ZNF385B: variants seen among roughly 807,000 people sequenced by gnomAD.
ZNF385B encodes zinc finger protein 533.
A neutral mutation model predicts 39.2 loss-of-function variants in ZNF385B; 23 were observed. The ratio of observed to expected loss-of-function variants is 0.59; its 90% confidence interval spans 0.42 to 0.83. The LOEUF is 0.83. ZNF385B is among the 40% of genes least tolerant of loss of function. The probability of loss-of-function intolerance (pLI) is 0.00; values close to 1 mark genes in which losing one functional copy is unlikely to be tolerated. For missense variants in ZNF385B, 552 were observed against 598.9 expected, an observed-to-expected ratio of 0.92 and a Z score of 0.82; for synonymous variants, 205 against 222.6, an observed-to-expected ratio of 0.92 and a Z score of 0.70.
At chr2:179,715,228 T>C (rs890454871) in intron 3 of ZNF385B, among the ~76,000 whole-genome samples, 5 of 152,126 alleles carry the variant, frequency 3.3e-5, no homozygotes, top group African/African-American at 1.2e-4. Flanking sequence ...TTAGTACTAC[T>C]TGAACCCTCC....
intron 3 of ZNF385B, among the ~76,000 whole-genome samples, chr2:179,662,129 T>G (rs1694555120): frequency 6.6e-6 from 1 of 152,284 alleles, no homozygotes; most frequent in African/African-American, 2.4e-5. Context: ...TCAGATTGTC[T>G]TGCAAAGTAG....
chr2:179,641,121 T>G (rs557882226), intron 3 of ZNF385B, among the ~76,000 whole-genome samples: 1 of 152,196 alleles, frequency 6.6e-6, no homozygotes, highest in Non-Finnish European at 1.5e-5. Flanking sequence ...TTTTATTTTC[T>G]GACTTAGAAC....
At chr2:179,577,213 T>G (rs988526048) in intron 3 of ZNF385B, among the ~76,000 whole-genome samples, 2 of 152,106 alleles carry the variant, frequency 1.3e-5, no homozygotes, top group African/African-American at 4.8e-5. Flanking sequence ...CAGGCCCAGG[T>G]GGACTAAAGG....
chr2:179,848,065 A>G (rs113638103), intron 1 of ZNF385B, among the ~76,000 whole-genome samples: 56 of 152,272 alleles, frequency 3.7e-4, no homozygotes, highest in African/African-American at 1.3e-3. Flanking sequence ...GGTGCTGCAC[A>G]TGAAAGGAGC....
chr2:179,851,863 T>A (rs2105442905), intron 1 of ZNF385B, among the ~76,000 whole-genome samples: 1 of 152,342 alleles, frequency 6.6e-6, no homozygotes, highest in South Asian at 2.1e-4. Context: ...TCTTAATAAT[T>A]CAGAAATGTG....
intron 3 of ZNF385B, among the ~76,000 whole-genome samples, chr2:179,641,349 G>T (rs1692252917): frequency 6.6e-6 from 1 of 152,040 alleles, no homozygotes; most frequent in South Asian, 2.1e-4. Flanking sequence ...TCCCCATGCA[G>T]TTATATTTTT....
Position 179,445,561 on chromosome 2 carries a change from G to C in ZNF385B, c.1129C>G (p.Gln377Glu). Residue 377 changes from glutamine to glutamate, a missense_variant, in exon 8 of 10, where the codon CAA (glutamine) becomes GAA (glutamate). Coordinates refer to ENST00000410066, the MANE Select transcript of ZNF385B (RefSeq NM_152520.6). The stretch of plus-strand genomic sequence containing the variant: ...TCAGGATACGTTACCTGTTTGAGTT[G>C]AATTTCTGAATTAACATGAACATCA... Reference protein sequence around the residue: ...ICDVHVNSEIQLKQHISSRRH... With the variant: ...ICDVHVNSEIELKQHISSRRH... The C allele has an allele frequency of 6.2e-7, 1 of 1,610,976 alleles. No individual in the cohort carries two copies. The highest frequency in any genetic ancestry group is 8.5e-7 in the Non-Finnish European group (1 of 1,178,890).
intron 1 of ZNF385B, among the ~76,000 whole-genome samples, chr2:179,785,775 G>A (rs1417628923): frequency 6.6e-6 from 1 of 152,098 alleles, no homozygotes; most frequent in Non-Finnish European, 1.5e-5. Context: ...TTCTTGAGAT[G>A]GAATCTTGGT....
intron 3 of ZNF385B, among the ~76,000 whole-genome samples, chr2:179,700,371 A>C (rs1039854503): frequency 6.6e-6 from 1 of 152,146 alleles, no homozygotes; most frequent in Non-Finnish European, 1.5e-5. Context: ...CCAATGCCTG[A>C]GTATATACCA....
intron 1 of ZNF385B, among the ~76,000 whole-genome samples, chr2:179,775,213 G>A (rs1329696991): frequency 6.6e-6 from 1 of 152,160 alleles, no homozygotes; most frequent in Non-Finnish European, 1.5e-5. Flanking sequence ...ATAGGATTCA[G>A]ATATGGAAGG....
At chr2:179,842,508 A>T (rs560606435) in intron 1 of ZNF385B, among the ~76,000 whole-genome samples, 36 of 152,298 alleles carry the variant, frequency 2.4e-4, no homozygotes, top group African/African-American at 8.2e-4. Context: ...AGAGATGCTC[A>T]AGAACTCAGG....
intron 5 of ZNF385B, among the ~76,000 whole-genome samples, chr2:179,505,504 A>G (rs9288036): frequency 0.75 from 113,168 of 151,882 alleles, 42,783 homozygotes; most frequent in East Asian, 0.91. Flanking sequence ...TCACATAAAA[A>G]GATTTCATAG....
chr2:179,689,875 T>C (rs1234070833), intron 3 of ZNF385B, among the ~76,000 whole-genome samples: 1 of 151,842 alleles, frequency 6.6e-6, no homozygotes, highest in Non-Finnish European at 1.5e-5. Flanking sequence ...CTGATGTCAA[T>C]GAATTAGCTG....
chr2:179,676,119 C>T (rs772481720), intron 3 of ZNF385B, among the ~76,000 whole-genome samples: 4 of 146,198 alleles, frequency 2.7e-5, no homozygotes, highest in South Asian at 2.2e-4. Context: ...GACGGAGTTT[C>T]GCTTTGCCGC....
intron 1 of ZNF385B, among the ~76,000 whole-genome samples, chr2:179,786,086 C>A (rs866218540): frequency 2.0e-5 from 3 of 152,236 alleles, no homozygotes; most frequent in Middle Eastern, 3.4e-3. Flanking sequence ...AAACCCTCCA[C>A]CAGCAAAAAC....
chr2:179,570,388 AG>A (rs1159312160), intron 3 of ZNF385B, among the ~76,000 whole-genome samples: 1 of 152,234 alleles, frequency 6.6e-6, no homozygotes, highest in Non-Finnish European at 1.5e-5. Flanking sequence ...GAAGGAACTT[AG>A]GGCCTTTTAT....
chr2:179,505,315 AAG>A (rs1452378524), intron 5 of ZNF385B, among the ~76,000 whole-genome samples: 2 of 151,860 alleles, frequency 1.3e-5, no homozygotes, highest in East Asian at 1.9e-4. Flanking sequence ...ATAAAAAAAA[AAG>A]GAGATTGTTA....
chr2:179,835,552 G>C (rs531503649), intron 1 of ZNF385B, among the ~76,000 whole-genome samples: 7 of 152,106 alleles, frequency 4.6e-5, no homozygotes, highest in Non-Finnish European at 7.4e-5. Flanking sequence ...GGAATACGAC[G>C]CTTGCTAACA....
intron 6 of ZNF385B, among the ~76,000 whole-genome samples, chr2:179,475,437 A>G (rs1338196144): frequency 1.3e-5 from 2 of 151,716 alleles, no homozygotes; most frequent in Non-Finnish European, 2.9e-5. Flanking sequence ...TTTTTAGTAA[A>G]GACAGGGTTT....
Sources: gnomAD v4.1 joint callset for allele counts (sites outside exome capture counted in the v4.1 genomes callset) on GRCh38, gnomAD v4.1.1 for gene constraint, MANE v1.5 for transcripts, NCBI Gene and HGNC (gene_info 2026-07-23, HGNC 2026-07-21) for gene names.